Variants in ZNF568 observed in about 807,000 individuals in gnomAD.
ZNF568 encodes p53 inhibitor of SCO2 activation.
ZNF568 carries 11 observed loss-of-function variants against 18.1 expected under a neutral mutation model. The observed-to-expected ratio is 0.61, with a 90% CI of 0.38 to 1.00. ZNF568 has a LOEUF of 1.00. Among genes scored for constraint, ZNF568 ranks in the 50% least tolerant of loss-of-function variants. The probability of loss-of-function intolerance (pLI) is 0.01; values close to 1 mark genes in which losing one functional copy is unlikely to be tolerated. For synonymous variants in ZNF568, 213 were observed against 246.6 expected (o/e 0.86, Z 1.28); for missense variants, 639 against 768.2 (o/e 0.83, Z 1.99).
intron 2 of ZNF568, chr19:36,991,036 C>T: frequency 1.2e-6 from 1 of 828,768 alleles, no homozygotes; most frequent in South Asian, 1.9e-5. Flanking sequence ...CCACACCGAC[C>T]CCTCCATGTT....
At chr19:36,977,334 A>AT (rs2074294263) in intron 7 of ZNF568, among the ~76,000 whole-genome samples, 1 of 152,132 alleles carries the variant, frequency 6.6e-6, no homozygotes, top group Non-Finnish European at 1.5e-5. Context: ...GTTTATTTAG[A>AT]TTTTTTATGC....
intron 6 of ZNF568, among the ~76,000 whole-genome samples, chr19:36,965,278 G>C (rs937883919): frequency 6.6e-6 from 1 of 152,072 alleles, no homozygotes; most frequent in African/African-American, 2.4e-5. Flanking sequence ...TTATCTCTTT[G>C]CCTGTCTGCC....
chr19:36,935,715 CATT>C (rs1288400882), intron 4 of ZNF568, among the ~76,000 whole-genome samples: 1 of 152,096 alleles, frequency 6.6e-6, no homozygotes, highest in Non-Finnish European at 1.5e-5. Context: ...ACCCTTTTAT[CATT>C]ATAAAATGTC....
At chr19:36,954,382 T>C (rs182843937), downstream of ZNF568, among the ~76,000 whole-genome samples, 21 of 152,210 alleles carry the variant, frequency 1.4e-4, no homozygotes, top group East Asian at 4.1e-3. Context: ...TGACTATCAG[T>C]TTTGATTGTT....
At chr19:36,984,188 C>T (rs202152380), downstream of ZNF568, among the ~76,000 whole-genome samples, 9 of 152,244 alleles carry the variant, frequency 5.9e-5, no homozygotes, top group East Asian at 9.6e-4. Context: ...CATGAGCCAC[C>T]GCACCTGGCG....
Position 36,974,294 on chromosome 19 carries a change from C to A in ZNF568, c.359-126C>A, listed in dbSNP as rs2074262624. On this transcript the variant is annotated intron_variant, in intron 6 of 7. Transcript: ENST00000427117. The stretch of plus-strand genomic sequence containing the variant: ...ATTTCTTTGTGAGGATGACAGAGAG[C>A]GGTGGCGTTGCAGCTTCTTTGGTCT... The A allele has an allele frequency of 9.7e-6, 7 of 721,394 alleles. No homozygotes were observed. In the East Asian group the frequency reaches 1.4e-4, roughly 14 times the overall value. 44.7% of individuals were successfully genotyped at this position (721,394 alleles called of 1,614,324 possible). A position where few individuals can be genotyped will look rare whatever the true frequency, so the allele number is the denominator to read the frequency against.
At chr19:36,984,701 C>T (rs1459547558), downstream of ZNF568, among the ~76,000 whole-genome samples, 11 of 150,992 alleles carry the variant, frequency 7.3e-5, no homozygotes, top group South Asian at 2.1e-4. Flanking sequence ...TTTTTTTTAA[C>T]ATCTTTATTT....
intron 3 of ZNF568, chr19:36,991,537 G>A (rs545249780): frequency 4.6e-6 from 3 of 648,690 alleles, no homozygotes; most frequent in South Asian, 5.4e-5. Context: ...GCTGTGATTT[G>A]ATGAAGTGGA....
At chr19:36,966,216 G>C (rs900293582) in intron 6 of ZNF568, among the ~76,000 whole-genome samples, 1 of 152,092 alleles carries the variant, frequency 6.6e-6, no homozygotes, top group Non-Finnish European at 1.5e-5. Flanking sequence ...AACTGGGGAG[G>C]TGGAGGTTGC....
chr19:36,933,921 T>G (rs1335305414), intron 4 of ZNF568, among the ~76,000 whole-genome samples: 5 of 57,074 alleles, frequency 8.8e-5, no homozygotes, highest in East Asian at 2.7e-4. Flanking sequence ...GTTTTGTTTT[T>G]TTGTTTTTTT....
chr19:36,946,419 A>G (rs561666740), intron 6 of ZNF568, among the ~76,000 whole-genome samples: 16 of 152,080 alleles, frequency 1.1e-4, no homozygotes, highest in East Asian at 7.7e-4. Flanking sequence ...ATATACTTAT[A>G]TAACTTTTTG....
chr19:36,949,421 T>C, intron 6 of ZNF568, 91 bp from the exon 7 acceptor site: 1 of 1,339,622 alleles, frequency 7.5e-7, no homozygotes, highest in South Asian at 1.6e-5. Flanking sequence ...ACATCAAAGA[T>C]TAAACCCCAC....
chr19:36,925,117 C>T, intron 3 of ZNF568, 83 bp from the exon 4 acceptor site: 1 of 1,261,736 alleles, frequency 7.9e-7, no homozygotes, highest in African/African-American at 1.5e-5. Context: ...TGTAGAGGGT[C>T]TTCTAGCCAC....
chr19:36,923,582 A>G (rs573754790), intron 3 of ZNF568, among the ~76,000 whole-genome samples: 17 of 150,010 alleles, frequency 1.1e-4, no homozygotes, highest in Middle Eastern at 3.4e-3. Flanking sequence ...CCCCACCTTT[A>G]TCTGCATCTG....
chr19:36,933,628 A>G (rs943809518), intron 4 of ZNF568, among the ~76,000 whole-genome samples: 1 of 152,020 alleles, frequency 6.6e-6, no homozygotes, highest in Non-Finnish European at 1.5e-5. Context: ...TTGTTGGATT[A>G]GGTTTGTTAG....
At chr19:36,974,834 T>TC (rs1380145653) in intron 7 of ZNF568, among the ~76,000 whole-genome samples, 1 of 151,104 alleles carries the variant, frequency 6.6e-6, no homozygotes, top group Admixed American at 6.6e-5. Context: ...CAATTTTTTT[T>TC]TTTTTTTTTT....
intron 4 of ZNF568, among the ~76,000 whole-genome samples, chr19:36,928,979 G>C (rs944429182): frequency 6.6e-6 from 1 of 152,008 alleles, no homozygotes; most frequent in Admixed American, 6.5e-5. Flanking sequence ...CTTAGAATTA[G>C]ACAAGTTTAT....
chr19:36,950,088 G>A lies in ZNF568; in HGVS notation c.935G>A (p.Trp312Ter), dbSNP rs1301550947. 10 of 1,613,894 alleles carry A rather than the reference G, an allele frequency of 6.2e-6. No homozygotes were observed. Among genetic ancestry groups the A allele is most frequent in the Non-Finnish European group, 8.5e-6 (10 of 1,179,926 alleles). ...GEKPYACKDC[W>*]KAFSQKSNLI... ...AAACCTTATGCATGTAAGGATTGTT[G>A]GAAAGCCTTCAGTCAGAAATCAAAT... is the stretch of plus-strand genomic sequence containing the variant. The change falls in exon 7 of 7, where the codon TGG becomes TAG. Residue 312 changes from tryptophan (W) to a stop codon, truncating the protein, a stop_gained. Transcript: ENST00000333987. LOFTEE classifies it low-confidence loss of function (END_TRUNC).
chr19:36,921,144 T>C (rs1010448274), intron 2 of ZNF568, among the ~76,000 whole-genome samples: 8 of 152,174 alleles, frequency 5.3e-5, no homozygotes, highest in African/African-American at 1.9e-4. Flanking sequence ...TGCGTGACTG[T>C]ATATATTAAT....
Sources: gnomAD v4.1 joint callset for allele counts (sites outside exome capture counted in the v4.1 genomes callset) on GRCh38, gnomAD v4.1.1 for gene constraint, MANE v1.5 for transcripts, NCBI Gene and HGNC (gene_info 2026-07-23, HGNC 2026-07-21) for gene names.